Variants in HMGCLL1 observed in about 807,000 individuals in gnomAD.
HMGCLL1 encodes the protein 3-hydroxy-3-methylglutaryl-CoA lyase like 1.
HMGCLL1 carries 36 observed loss-of-function variants against 39.1 expected under a neutral mutation model. The ratio of observed to expected loss-of-function variants is 0.92; its 90% CI spans 0.71 to 1.22. The LOEUF is 1.22. Among genes scored for constraint, HMGCLL1 ranks in the 50% most tolerant of loss-of-function variants. HMGCLL1 has a pLI of 0.00. For missense variants in HMGCLL1, 451 were observed against 416.5 expected (o/e 1.08, Z -0.72); for synonymous variants, 149 against 144.0 (o/e 1.03, Z -0.25).
At chr6:55,665,365 C>T in the HMGCLL1 span, among the ~76,000 whole-genome samples, 1 of 151,674 alleles carries the variant, frequency 6.6e-6, no homozygotes, top group African/African-American at 2.4e-5. Context: ...AGTAGGAATA[C>T]ACTCCCTTGT....
chr6:55,596,505 C>A, the HMGCLL1 span, among the ~76,000 whole-genome samples: 1 of 151,530 alleles, frequency 6.6e-6, no homozygotes, highest in East Asian at 1.9e-4. Flanking sequence ...ATGAATATTA[C>A]ATGATGTAAA....
intron 7 of HMGCLL1, among the ~76,000 whole-genome samples, chr6:55,474,977 G>C (rs1191262513): frequency 1.3e-5 from 2 of 151,504 alleles, no homozygotes; most frequent in Admixed American, 1.3e-4. Context: ...TTTCGGTGTG[G>C]TGATAAGGTG....
At chr6:55,643,974 C>A in the HMGCLL1 span, among the ~76,000 whole-genome samples, 8 of 151,952 alleles carry the variant, frequency 5.3e-5, no homozygotes, top group Admixed American at 3.9e-4. Context: ...TTTTGAGGAA[C>A]TTCCAAACTG....
rs1394953097 is a variant in HMGCLL1, at chr6:55,434,942, T to G, written c.*720A>C. The stretch of plus-strand genomic sequence containing the variant: ...AAAAAAATAGCTTACAATTTCTCAA[T>G]AGTTGAGTAACACCATGCTGGTTTT... On this transcript the variant is annotated 3_prime_UTR_variant, in exon 9 of 9. Coordinates refer to ENST00000274901, the MANE Select transcript of HMGCLL1 (RefSeq NM_001042406.2). 5 of 152,230 alleles carry G rather than the reference T, an allele frequency of 3.3e-5. No individual in the cohort carries two copies. Among genetic ancestry groups the G allele is most frequent in the Non-Finnish European group, 7.4e-5 (5 of 67,978 alleles). 9.4% of individuals were successfully genotyped at this position (152,230 alleles called of 1,614,324 possible).
intron 3 of HMGCLL1, among the ~76,000 whole-genome samples, 187 bp downstream of exon 3, chr6:55,541,542 A>T (rs1769432074): frequency 6.6e-6 from 1 of 152,202 alleles, no homozygotes; most frequent in Non-Finnish European, 1.5e-5. Flanking sequence ...GGCTTAGTAT[A>T]AAGTTCTAAG....
At chr6:55,579,684 G>A (rs760199463), upstream of HMGCLL1, among the ~76,000 whole-genome samples, 1 of 152,222 alleles carries the variant, frequency 6.6e-6, no homozygotes, top group African/African-American at 2.4e-5. Flanking sequence ...GGTACTCTCA[G>A]AGGTACGTTC....
chr6:55,537,343 A>T (rs1257748896), intron 3 of HMGCLL1, among the ~76,000 whole-genome samples: 1 of 152,194 alleles, frequency 6.6e-6, no homozygotes, highest in Non-Finnish European at 1.5e-5. Context: ...TAAACCACTT[A>T]AAAAATTGGA....
the HMGCLL1 span, among the ~76,000 whole-genome samples, chr6:55,607,408 T>C: frequency 6.6e-6 from 1 of 152,154 alleles, no homozygotes; most frequent in Non-Finnish European, 1.5e-5. Context: ...GTGGATGCTA[T>C]AATGTGCCTC....
At chr6:55,559,051 AC>A (rs1354080036) in intron 1 of HMGCLL1, among the ~76,000 whole-genome samples, 1 of 152,056 alleles carries the variant, frequency 6.6e-6, no homozygotes, top group African/African-American at 2.4e-5. Context: ...ACACATTTTG[AC>A]TTCTCAGAGG....
intron 1 of HMGCLL1, among the ~76,000 whole-genome samples, chr6:55,551,196 T>C (rs1409608376): frequency 6.6e-6 from 1 of 151,790 alleles, no homozygotes; most frequent in Non-Finnish European, 1.5e-5. Context: ...TTACACTGGG[T>C]AAAGAAGAAT....
intron 7 of HMGCLL1, among the ~76,000 whole-genome samples, chr6:55,464,442 T>G (rs1284301728): frequency 6.6e-6 from 1 of 152,162 alleles, no homozygotes; most frequent in Non-Finnish European, 1.5e-5. Context: ...CATACATGGA[T>G]AACCACCTCC....
chr6:55,589,932 G>C, the HMGCLL1 span, among the ~76,000 whole-genome samples: 1 of 152,112 alleles, frequency 6.6e-6, no homozygotes, highest in African/African-American at 2.4e-5. Flanking sequence ...AACATTCCAT[G>C]CTCATGGGTA....
At chr6:55,502,019 C>A (rs565472217) in intron 5 of HMGCLL1, among the ~76,000 whole-genome samples, 2 of 151,858 alleles carry the variant, frequency 1.3e-5, no homozygotes, top group East Asian at 3.9e-4. Context: ...TTATTTTTTT[C>A]ATCTTATTCC....
At chr6:55,488,124 A>G (rs1168195793) in intron 7 of HMGCLL1, among the ~76,000 whole-genome samples, 1 of 152,160 alleles carries the variant, frequency 6.6e-6, no homozygotes, top group Non-Finnish European at 1.5e-5. Context: ...TATGAAAATA[A>G]AATGCATAAT....
intron 8 of HMGCLL1, among the ~76,000 whole-genome samples, chr6:55,438,363 T>C (rs1308583858): frequency 1.3e-5 from 2 of 152,086 alleles, no homozygotes; most frequent in Non-Finnish European, 2.9e-5. Flanking sequence ...GTATAAAGTA[T>C]GAATAAGCTG....
At chr6:55,587,090 C>A in the HMGCLL1 span, among the ~76,000 whole-genome samples, 1 of 152,102 alleles carries the variant, frequency 6.6e-6, no homozygotes, top group African/African-American at 2.4e-5. Flanking sequence ...GCCATTCTAA[C>A]TGGTGTGAGA....
At chr6:55,504,081 GT>G (rs1214800505) in intron 5 of HMGCLL1, among the ~76,000 whole-genome samples, 1 of 151,614 alleles carries the variant, frequency 6.6e-6, no homozygotes, top group Non-Finnish European at 1.5e-5. Flanking sequence ...TGGTGTTCAA[GT>G]TTAGCAATCT....
the HMGCLL1 span, among the ~76,000 whole-genome samples, chr6:55,674,726 G>A: frequency 5.3e-5 from 8 of 152,070 alleles, no homozygotes; most frequent in African/African-American, 9.6e-5. Context: ...AATAGGACCT[G>A]TGAGGAAAAA....
At chr6:55,556,799 G>T (rs535552324) in intron 1 of HMGCLL1, among the ~76,000 whole-genome samples, 1 of 152,056 alleles carries the variant, frequency 6.6e-6, no homozygotes, top group South Asian at 2.1e-4. Flanking sequence ...AAGTGGAGAC[G>T]CTGAGAGTAC....
Sources: allele counts gnomAD v4.1 joint callset (sites outside exome capture counted in the v4.1 genomes callset), GRCh38; gene constraint gnomAD v4.1.1; transcripts MANE v1.5; gene names NCBI Gene and HGNC (gene_info 2026-07-23, HGNC 2026-07-21).